Variants in CDC14A observed in about 807,000 individuals in gnomAD.
CDC14A encodes the protein dual specificity protein phosphatase CDC14A.
A neutral mutation model predicts 74.4 loss-of-function variants in CDC14A; 53 were observed. The observed-to-expected ratio is 0.71, with a 90% CI of 0.57 to 0.89. The LOEUF (loss-of-function observed/expected upper bound fraction) is 0.89. CDC14A is among the 40% of genes least tolerant of loss of function. CDC14A has a pLI of 0.00. For synonymous variants in CDC14A, 247 were observed against 258.4 expected, an observed-to-expected ratio of 0.96 and a Z score of 0.43; for missense variants, 646 against 713.7, an observed-to-expected ratio of 0.91 and a Z score of 1.08.
At chr1:100,432,422 T>G (rs1663808425) in intron 5 of CDC14A, among the ~76,000 whole-genome samples, 1 of 152,218 alleles carries the variant, frequency 6.6e-6, no homozygotes, top group African/African-American at 2.4e-5. Context: ...AGTAGCTACA[T>G]GTGTTATTGA....
chr1:100,423,944 G>A (rs1233741200), intron 4 of CDC14A: 2 of 351,810 alleles, frequency 5.7e-6, no homozygotes, highest in South Asian at 6.3e-5. Context: ...TACAACTGTC[G>A]CTGCCATTGT....
At chr1:100,470,650 A>C (rs1449004010) in intron 10 of CDC14A, among the ~76,000 whole-genome samples, 1 of 152,292 alleles carries the variant, frequency 6.6e-6, no homozygotes, top group East Asian at 1.9e-4. Flanking sequence ...GAATGGGCAA[A>C]AGCCTTGGCC....
chr1:100,515,444 AGT>A (rs1303931440), intron 15 of CDC14A, among the ~76,000 whole-genome samples: 1 of 141,438 alleles, frequency 7.1e-6, no homozygotes, highest in Non-Finnish European at 1.5e-5. Flanking sequence ...AGTGCAATGG[AGT>A]GATCTGAGCT....
Position 100,424,076 on chromosome 1 carries a change from T to C in CDC14A, c.310-146T>C. ...GCGCAGCTTCATGCTGAAAAGGAAA[T>C]GTTGGCAAGTTGTTGCTTTGTAAAG... On this transcript the variant is annotated intron_variant, in intron 4 of 15. Coordinates refer to ENST00000336454, the MANE Select transcript of CDC14A (RefSeq NM_003672.4). The C allele has an allele frequency of 4.7e-6, 3 of 633,656 alleles. No individual in the cohort carries two copies. The South Asian group carries it at 5.3e-5, about 11-fold the overall frequency. 39.3% of individuals were successfully genotyped at this position (633,656 alleles called of 1,614,324 possible). A position where few individuals can be genotyped will look rare whatever the true frequency, so the allele number is the denominator to read the frequency against.
chr1:100,483,423 A>G (rs749906571), intron 10 of CDC14A, among the ~76,000 whole-genome samples: 86 of 152,264 alleles, frequency 5.6e-4, no homozygotes, highest in African/African-American at 1.5e-3. Flanking sequence ...AAAAATATCT[A>G]TGTTCTTACT....
chr1:100,514,703 A>C (rs902121677), intron 15 of CDC14A, among the ~76,000 whole-genome samples: 1 of 152,232 alleles, frequency 6.6e-6, no homozygotes, highest in Non-Finnish European at 1.5e-5. Flanking sequence ...GGTTGTCTGA[A>C]ACATTTAATG....
At chr1:100,423,550 C>T (rs1178814944) in intron 4 of CDC14A, among the ~76,000 whole-genome samples, 1 of 152,178 alleles carries the variant, frequency 6.6e-6, no homozygotes, top group Non-Finnish European at 1.5e-5. Flanking sequence ...ATACTATATA[C>T]TCAGTATCTA....
chr1:100,351,428 T>C (rs1299470933), upstream of CDC14A, among the ~76,000 whole-genome samples: 1 of 152,356 alleles, frequency 6.6e-6, no homozygotes, highest in East Asian at 1.9e-4. Flanking sequence ...TGGAAGGGAC[T>C]GCACTCTGAT....
At chr1:100,468,877 A>T (rs1571271967) in intron 10 of CDC14A, among the ~76,000 whole-genome samples, 1 of 150,220 alleles carries the variant, frequency 6.7e-6, no homozygotes, top group East Asian at 2.0e-4. Flanking sequence ...CTGAAATTTC[A>T]TTTTTTTTTC....
At chr1:100,367,123 A>G (rs1653743022) in intron 2 of CDC14A, among the ~76,000 whole-genome samples, 1 of 152,144 alleles carries the variant, frequency 6.6e-6, no homozygotes, top group African/African-American at 2.4e-5. Context: ...TTAGGAGTGC[A>G]CTCAGCCCTC....
At chr1:100,407,624 A>G (rs1218281737) in intron 4 of CDC14A, among the ~76,000 whole-genome samples, 1 of 152,142 alleles carries the variant, frequency 6.6e-6, no homozygotes, top group Non-Finnish European at 1.5e-5. Context: ...TGTCTCCTAG[A>G]TATAGGATCA....
chr1:100,422,349 A>G (rs1306115995), intron 4 of CDC14A, among the ~76,000 whole-genome samples: 1 of 152,180 alleles, frequency 6.6e-6, no homozygotes, highest in East Asian at 1.9e-4. Context: ...TGCTTTTCAA[A>G]GGTTGTTGTC....
At chr1:100,419,488 A>G (rs1000792110) in intron 4 of CDC14A, among the ~76,000 whole-genome samples, 7 of 152,230 alleles carry the variant, frequency 4.6e-5, no homozygotes, top group Non-Finnish European at 8.8e-5. Context: ...TGCAAGCATG[A>G]TAATTGTAAG....
In CDC14A at chr1:100,499,506, T is replaced by C; in HGVS notation, c.1755+244T>C. On this transcript the variant is annotated intron_variant, in intron 15 of 15. Coordinates refer to ENST00000336454, the MANE Select transcript of CDC14A (RefSeq NM_003672.4). ...CTTTTTCTTCTTACCCCCAACTCCTTTTTAAGTAGTTTCTCTTAAAAGGGA... is the reference window on the plus strand; with the variant it reads ...CTTTTTCTTCTTACCCCCAACTCCTCTTTAAGTAGTTTCTCTTAAAAGGGA... 3.1e-6 allele frequency: 4 copies of C among 1,274,250 alleles called. No homozygotes were observed. In the South Asian group the frequency reaches 7.2e-5, roughly 23 times the overall value. The allele number at this position is 1,274,250 out of a possible 1,614,324, so 78.9% of individuals were successfully genotyped here.
At chr1:100,405,694 G>T (rs1404640357) in intron 4 of CDC14A, among the ~76,000 whole-genome samples, 1 of 152,156 alleles carries the variant, frequency 6.6e-6, no homozygotes, top group Non-Finnish European at 1.5e-5. Flanking sequence ...TTATGTCCCT[G>T]CAAAGGACAT....
chr1:100,351,804 G>A (rs1557670203), upstream of CDC14A: 1 of 1,549,974 alleles, frequency 6.5e-7, no homozygotes, highest in South Asian at 1.2e-5. Context: ...TTATATCAGA[G>A]TCTGGTATGT....
intron 10 of CDC14A, among the ~76,000 whole-genome samples, chr1:100,470,985 A>G (rs1452876228): frequency 6.6e-6 from 1 of 152,194 alleles, no homozygotes; most frequent in Non-Finnish European, 1.5e-5. Flanking sequence ...GAATATTCAC[A>G]GTTGCTTTAT....
intron 8 of CDC14A, among the ~76,000 whole-genome samples, chr1:100,455,718 A>C (rs1666616904): frequency 6.6e-6 from 1 of 152,254 alleles, no homozygotes; most frequent in African/African-American, 2.4e-5. Context: ...TGCCATAAAT[A>C]GGATGTTCAC....
At chr1:100,509,911 T>C (rs1320956251) in intron 15 of CDC14A, among the ~76,000 whole-genome samples, 3 of 152,232 alleles carry the variant, frequency 2.0e-5, no homozygotes, top group Non-Finnish European at 4.4e-5. Flanking sequence ...AATTTGAAAG[T>C]GAGCAAAATA....
Sources: gnomAD v4.1 joint callset for allele counts (sites outside exome capture counted in the v4.1 genomes callset) on GRCh38, gnomAD v4.1.1 for gene constraint, MANE v1.5 for transcripts, NCBI Gene and HGNC (gene_info 2026-07-23, HGNC 2026-07-21) for gene names.